Variants in CD63 observed in about 807,000 individuals in gnomAD.
CD63 encodes CD63 antigen.
A neutral mutation model predicts 29.2 loss-of-function variants in CD63; 16 were observed. That is an observed-to-expected ratio of 0.55 (90% CI 0.37 to 0.83). CD63 has a LOEUF of 0.83. Among genes scored for constraint, CD63 ranks in the 40% least tolerant of loss-of-function variants. The pLI is 0.00. For synonymous variants in CD63, 118 were observed against 111.7 expected (o/e 1.06, Z -0.36); for missense variants, 251 against 297.3 (o/e 0.84, Z 1.15).
chr12:55,724,162 G>C, downstream of CD63: 3 of 1,472,936 alleles, frequency 2.0e-6, no homozygotes, highest in Non-Finnish European at 2.8e-6. Flanking sequence ...GGTTGAGGGT[G>C]AACAGGATGT....
chr12:55,729,938 C>G (rs1388265640), upstream of CD63: 2 of 152,376 alleles, frequency 1.3e-5, no homozygotes, highest in East Asian at 3.8e-4. Flanking sequence ...CAAGCTGCCT[C>G]CCTCCCTTGT....
Position 55,728,520 on chromosome 12 carries a change from A to T in CD63, c.-11-168T>A. The T allele has an allele frequency of 6.9e-7, 1 of 1,451,068 alleles. No individual in the cohort carries two copies. Among genetic ancestry groups the T allele is most frequent in the Non-Finnish European group, 9.0e-7 (1 of 1,106,732 alleles). 89.9% of individuals were successfully genotyped at this position (1,451,068 alleles called of 1,614,324 possible). A position where few individuals can be genotyped will look rare whatever the true frequency, so the allele number is the denominator to read the frequency against. ...GTCTCCCAGCCCCCTCTTTACCCGC[A>T]GGAGAGGGGTGGGGGCGACGGCCGC... On this transcript the variant is annotated intron_variant, in intron 1 of 7. Coordinates refer to ENST00000257857, the MANE Select transcript of CD63 (RefSeq NM_001780.6). This position sits in a 1 kb window ranked among gnomAD's most constrained non-coding sequence, Gnocchi z 4.8.
downstream of CD63, chr12:55,724,818 C>T (rs1877131219): frequency 1.9e-6 from 1 of 538,754 alleles, no homozygotes; most frequent in Non-Finnish European, 3.3e-6. Context: ...GGAACTGCCT[C>T]ACATCTACAG....
chr12:55,724,649 CA>C (rs1877120270), downstream of CD63: 2 of 1,046,120 alleles, frequency 1.9e-6, no homozygotes, highest in African/African-American at 3.1e-5. Context: ...TAAGCACTAA[CA>C]AAAGTGTATT....
Position 55,726,233 on chromosome 12 carries a change from G to A in CD63, c.455C>T (p.Thr152Ile), listed in dbSNP as rs1050717888. 1.2e-6 allele frequency: 2 copies of A among 1,612,680 alleles called. No individual in the cohort carries two copies. Among genetic ancestry groups the A allele is most frequent in the Non-Finnish European group, 1.7e-6 (2 of 1,179,428 alleles). Residue 152 changes from threonine (T) to isoleucine (I), a missense_variant, in exon 6 of 8, where the codon ACA becomes ATA. Coordinates refer to ENST00000257857, the MANE Select transcript of CD63 (RefSeq NM_001780.6). ...DFKCCGAANY[T>I]DWEKIPSMSK... ...CATGGAAGGGATTTTCTCCCAATCT[G>A]TGTAGTTAGCAGCCCCACAGCACTT... is the stretch of plus-strand genomic sequence containing the variant.
chr12:55,724,109 C>A, downstream of CD63: 1 of 1,564,588 alleles, frequency 6.4e-7, no homozygotes, highest in Non-Finnish European at 8.6e-7. Context: ...AAAGGCCAGT[C>A]CTGCATAAGC....
chr12:55,728,461 C>T lies in CD63; in HGVS notation c.-11-109G>A, dbSNP rs1877665438. 2.0e-6 allele frequency: 3 copies of T among 1,504,878 alleles called. No individual in the cohort carries two copies. The highest frequency in any genetic ancestry group is 1.4e-5 in the African/African-American group (1 of 72,290). The allele number at this position is 1,504,878 out of a possible 1,614,324, so 93.2% of individuals were successfully genotyped here. ...TTCCCTTCACGGCCCCGATTCCCGG[C>T]CCCTCCCACCCGGAAACCCGCGGTC... is the stretch of plus-strand genomic sequence containing the variant. On this transcript the variant is annotated intron_variant, in intron 1 of 7. Transcript: ENST00000257857. This position sits in a 1 kb window ranked among gnomAD's most constrained non-coding sequence, Gnocchi z 4.8.
At chr12:55,726,396 C>T (rs1331057981) in intron 5 of CD63, 135 bp from the exon 6 acceptor site, 1 of 845,064 alleles carries the variant, frequency 1.2e-6, no homozygotes, top group Non-Finnish European at 1.8e-6. Context: ...GACAAGTGCC[C>T]AGCGGTGGCT....
chr12:55,728,692 G>T lies in CD63; in HGVS notation c.-12+261C>A. 8.8e-7 allele frequency: 1 copy of T among 1,142,166 alleles called. No homozygotes were observed. The highest frequency in any genetic ancestry group is 1.1e-6 in the Non-Finnish European group (1 of 925,148). The allele number at this position is 1,142,166 out of a possible 1,614,324, so 70.8% of individuals were successfully genotyped here. On this transcript the variant is annotated intron_variant, in intron 1 of 7. Coordinates refer to ENST00000257857, the MANE Select transcript of CD63 (RefSeq NM_001780.6). This position sits in a 1 kb window ranked among gnomAD's most constrained non-coding sequence, Gnocchi z 4.8. ...CACCCAACACCCAGCCTGGAGAAAC[G>T]GTCTTCAGCCCAACCCCGACCCCCG...
chr12:55,729,348 CG>C (rs1877761056), upstream of CD63: 1 of 157,850 alleles, frequency 6.3e-6, no homozygotes, highest in African/African-American at 2.4e-5. Flanking sequence ...TTCAGAGAAG[CG>C]GACGAGGTGG....
downstream of CD63, chr12:55,724,048 G>A (rs368073596): frequency 5.0e-6 from 8 of 1,608,932 alleles, no homozygotes; most frequent in Non-Finnish European, 5.1e-6. Flanking sequence ...TCCTCACCAA[G>A]TGTGAGTAGC....
Position 55,727,159 on chromosome 12 carries a change from T to C in CD63, c.247A>G (p.Met83Val). The change falls in exon 3 of 8, where the codon ATG becomes GTG. Residue 83 changes from methionine to valine, a missense_variant. Coordinates refer to ENST00000257857, the MANE Select transcript of CD63 (RefSeq NM_001780.6). The part of the protein sequence containing the change: ...CGACKENYCL[M>V]ITFAIFLSLI... ...TCCCGCCCCCAACTCACCGTGATCA[T>C]AAGACAATAGTTCTCCTTGCAGGCC... The C allele has an allele frequency of 6.2e-7, 1 of 1,612,528 alleles. No individual in the cohort carries two copies. Among genetic ancestry groups the C allele is most frequent in the Non-Finnish European group, 8.5e-7 (1 of 1,179,314 alleles).
rs1320494584 is a variant in CD63, at chr12:55,726,141, C to T, written c.547G>A (p.Glu183Lys). ...CCTACCTCCTTATGGATCGCCTTCTCGTTGAAATTAATCCCACAGCCCACA... is the reference window on the plus strand; with the variant it reads ...CCTACCTCCTTATGGATCGCCTTCTTGTTGAAATTAATCCCACAGCCCACA... The part of the protein sequence containing the change: ...VTVGCGINFN[E>K]KAIHKEGCVE... The change falls in exon 6 of 8, where the codon GAG (glutamate) becomes AAG (lysine). Residue 183 changes from glutamate (E) to lysine (K), a missense_variant. Glu to Lys is a moderately conservative substitution (Grantham distance 56, BLOSUM62 1). Coordinates refer to ENST00000257857, the MANE Select transcript of CD63 (RefSeq NM_001780.6). The T allele has an allele frequency of 1.2e-6, 2 of 1,613,980 alleles. No homozygotes were observed. Among genetic ancestry groups the T allele is most frequent in the Non-Finnish European group, 1.7e-6 (2 of 1,179,994 alleles).
intron 2 of CD63, 164 bp from the exon 3 acceptor site, chr12:55,727,503 C>G: frequency 8.4e-6 from 10 of 1,197,256 alleles, no homozygotes; most frequent in Non-Finnish European, 1.1e-5. Context: ...GATGACCCAT[C>G]CTTGCCTGCC....
At chr12:55,729,232 C>A (rs1273802215), upstream of CD63, 7 of 801,032 alleles carry the variant, frequency 8.7e-6, no homozygotes, top group Admixed American at 3.1e-4. Context: ...AAAGGGAAAG[C>A]CGCAAGGGCA....
At chr12:55,727,500 C>A (rs1877545595) in intron 2 of CD63, 161 bp from the exon 3 acceptor site, 1 of 1,184,204 alleles carries the variant, frequency 8.4e-7, no homozygotes, top group Non-Finnish European at 1.1e-6. Flanking sequence ...GGGGATGACC[C>A]ATCCTTGCCT....
In CD63 at chr12:55,725,644, G is replaced by C. The variant is rs770757884; in HGVS notation, c.652-18C>G. On this transcript the variant is annotated intron_variant, in intron 7 of 7. Coordinates refer to ENST00000257857, the MANE Select transcript of CD63 (RefSeq NM_001780.6). Reference sequence around the variant, plus strand: ...CCCAAAACCTAGAAGGAAAGATGGGGACAGGGGTGGAGAGGAGTCAGAAGG... The same window carrying C: ...CCCAAAACCTAGAAGGAAAGATGGGCACAGGGGTGGAGAGGAGTCAGAAGG... The C allele has an allele frequency of 6.2e-7, 1 of 1,612,414 alleles. No homozygotes were observed. The highest frequency in any genetic ancestry group is 1.3e-5 in the African/African-American group (1 of 74,840).
At chr12:55,725,291 T>C (rs985532220), downstream of CD63, 8 of 524,546 alleles carry the variant, frequency 1.5e-5, no homozygotes, top group African/African-American at 1.5e-4. Flanking sequence ...CACCACAGTC[T>C]CTGGATCCTC....
At chr12:55,724,276 T>C, downstream of CD63, 1 of 1,603,750 alleles carries the variant, frequency 6.2e-7, no homozygotes. Flanking sequence ...TAAGATGGGC[T>C]GGAGTGAGGA....
Sources: gnomAD v4.1 joint callset for allele counts on GRCh38, gnomAD v4.1.1 for gene constraint, Gnocchi (gnomAD v3.1) non-coding constraint, MANE v1.5 for transcripts, NCBI Gene and HGNC (gene_info 2026-07-23, HGNC 2026-07-21) for gene names.